Variants in URB1 observed in about 807,000 individuals in gnomAD.
URB1 encodes the protein nucleolar pre-ribosomal-associated protein 1.
A neutral mutation model predicts 242.3 loss-of-function variants in URB1; 197 were observed. The ratio of observed to expected loss-of-function variants is 0.81; its 90% CI spans 0.72 to 0.91. The LOEUF is 0.91. URB1 is among the 40% of genes least tolerant of loss of function. The pLI, the probability that URB1 is intolerant of heterozygous loss-of-function variation, is 0.00. For missense variants in URB1, 2,721 were observed against 2,860.5 expected, an observed-to-expected ratio of 0.95 and a Z score of 1.11; for synonymous variants, 1,153 against 1,201.8, an observed-to-expected ratio of 0.96 and a Z score of 0.84.
chr21:32,316,086 C>T (rs1185412067), intron 38 of URB1, among the ~76,000 whole-genome samples: 1 of 152,264 alleles, frequency 6.6e-6, no homozygotes, highest in Admixed American at 6.5e-5. Context: ...CATGCGCACA[C>T]ATGCAAGCAT....
rs1001304261 is a variant in URB1, at chr21:32,312,193, T to C, written c.*2725A>G. 52 of 1,492,184 alleles carry C rather than the reference T, an allele frequency of 3.5e-5. No homozygotes were observed. Among genetic ancestry groups the C allele is most frequent in the Non-Finnish European group, 4.4e-5 (50 of 1,123,668 alleles). 92.4% of individuals were successfully genotyped at this position (1,492,184 alleles called of 1,614,324 possible). ...TCGAGTGCAGAGGTCATCCCAGGTGTTGCTGAGTTTATTGAGCACACCTAG... is the reference window on the plus strand; with the variant it reads ...TCGAGTGCAGAGGTCATCCCAGGTGCTGCTGAGTTTATTGAGCACACCTAG... On this transcript the variant is annotated 3_prime_UTR_variant, in exon 39 of 39. Coordinates refer to ENST00000382751, the MANE Select transcript of URB1 (RefSeq NM_014825.3).
chr21:32,377,858 T>C (rs959858230), intron 5 of URB1, among the ~76,000 whole-genome samples: 2 of 152,120 alleles, frequency 1.3e-5, no homozygotes, highest in Non-Finnish European at 2.9e-5. Context: ...CCAGGGAATC[T>C]TACCGAGCAA....
intron 15 of URB1, 25 bp downstream of exon 15, chr21:32,357,512 T>G (rs1374707780): frequency 4.0e-6 from 6 of 1,487,188 alleles, no homozygotes; most frequent in Non-Finnish European, 4.5e-6. Context: ...CTTTTCAGAG[T>G]TAGAAACTGG....
chr21:32,340,117 T>C (rs1440768973), intron 25 of URB1, among the ~76,000 whole-genome samples: 2 of 152,232 alleles, frequency 1.3e-5, no homozygotes, highest in Admixed American at 1.3e-4. Flanking sequence ...AACCTATAGT[T>C]GTCATTAACC....
chr21:32,337,396 A>C lies in URB1; in HGVS notation c.4621+8T>G, dbSNP rs1245891914. On this transcript the variant is annotated splice_region_variant and intron_variant, in intron 27 of 38. Transcript: ENST00000382751. ...CCTGCTCACACTACCCAGCCCTCAC[A>C]CCCTCACCTAGGACGCTGAGAGTGG... 6.5e-7 allele frequency: 1 copy of C among 1,547,616 alleles called. No homozygotes were observed. Among genetic ancestry groups the C allele is most frequent in the East Asian group, 2.4e-5 (1 of 40,858 alleles).
At chr21:32,375,065 A>T (rs934634520) in intron 6 of URB1, among the ~76,000 whole-genome samples, 1 of 152,226 alleles carries the variant, frequency 6.6e-6, no homozygotes, top group African/African-American at 2.4e-5. Flanking sequence ...ATTTTGCTAG[A>T]TATGTGAATG....
Position 32,313,760 on chromosome 21 carries a change from G to C in URB1, c.*1158C>G, listed in dbSNP as rs887074521. The C allele has an allele frequency of 2.6e-5, 4 of 152,222 alleles. No homozygotes were observed. Among genetic ancestry groups the C allele is most frequent in the African/African-American group, 9.7e-5 (4 of 41,432 alleles). 9.4% of individuals were successfully genotyped at this position (152,222 alleles called of 1,614,324 possible). A position where few individuals can be genotyped will look rare whatever the true frequency, so the allele number is the denominator to read the frequency against. On this transcript the variant is annotated 3_prime_UTR_variant, in exon 39 of 39. Coordinates refer to ENST00000382751, the MANE Select transcript of URB1 (RefSeq NM_014825.3). The stretch of plus-strand genomic sequence containing the variant: ...CACAGAGCAGATCCCAAGAGCCCCA[G>C]GCATGCAGGAGAGTTTTAAAGGAAC...
At chr21:32,357,168 T>C (rs2033229949) in intron 15 of URB1, among the ~76,000 whole-genome samples, 2 of 152,104 alleles carry the variant, frequency 1.3e-5, no homozygotes, top group African/African-American at 2.4e-5. Context: ...TGATGACCCA[T>C]GTGCTGTGGG....
intron 26 of URB1, among the ~76,000 whole-genome samples, chr21:32,338,092 A>G (rs1412820442): frequency 6.6e-6 from 1 of 152,142 alleles, no homozygotes; most frequent in African/African-American, 2.4e-5. Flanking sequence ...ATAGCAGTTT[A>G]TTACAGTCTG....
rs2032698955 is a variant in URB1, at chr21:32,317,001, C to T, written c.6099G>A (p.Lys2033=). The change falls in exon 38 of 39, where the codon AAG becomes AAA. Residue 2033 remains lysine (K), a synonymous_variant. Transcript: ENST00000382751. The stretch of plus-strand genomic sequence containing the variant: ...TCTCCTCTGCCTCCCCAGGCCTCCT[C>T]TTTCGGCCCCGTGGGCCTTTGGCTC... ...PARAKGPRGR[K]RRPGEAEEMA... is the part of the protein sequence containing the mutation. 6.4e-7 allele frequency: 1 copy of T among 1,551,594 alleles called. No individual in the cohort carries two copies. The highest frequency in any genetic ancestry group is 1.7e-4 in the Middle Eastern group (1 of 5,958).
At position 32,373,023 on chromosome 21, in the gene URB1, T is replaced by C. The variant is rs189322594; in HGVS notation, c.877-392A>G. The stretch of plus-strand genomic sequence containing the variant: ...AAAAGGAGGTGAAATATTAGGCTCT[T>C]GAGAGGTGAATTATTATAACGTTAA... On this transcript the variant is annotated intron_variant, in intron 7 of 38. Transcript: ENST00000382751. 1.1e-4 allele frequency among the ~76,000 whole-genome samples: 17 copies of C among 152,248 alleles called. No individual in the cohort carries two copies. In the East Asian group the frequency reaches 3.3e-3, roughly 29 times the overall value.
At chr21:32,316,032 C>T (rs544731553) in intron 38 of URB1, among the ~76,000 whole-genome samples, 4 of 152,372 alleles carry the variant, frequency 2.6e-5, no homozygotes, top group East Asian at 3.9e-4. Flanking sequence ...CGCATTTATA[C>T]GCATGTGAAG....
In URB1 at chr21:32,383,536, C is replaced by G; in HGVS notation, c.453G>C (p.Leu151=). 1 of 1,551,570 alleles carries G rather than the reference C, an allele frequency of 6.4e-7. No individual in the cohort carries two copies. Among genetic ancestry groups the G allele is most frequent in the Non-Finnish European group, 8.7e-7 (1 of 1,146,950 alleles). ...GGGTCACCATGGCGGTCATCAGGCT[C>G]AGGCAGGCGCGAGCCAACCTGCACA... ...ASGYRLARAC[L]SLMTAMVTQG... Residue 151 remains leucine (L), a synonymous_variant, in exon 4 of 39, where the codon CTG becomes CTC. Coordinates refer to ENST00000382751, the MANE Select transcript of URB1 (RefSeq NM_014825.3).
At chr21:32,339,934 C>T (rs1247612699) in intron 25 of URB1, among the ~76,000 whole-genome samples, 1 of 152,362 alleles carries the variant, frequency 6.6e-6, no homozygotes, top group Admixed American at 6.5e-5. Flanking sequence ...CCTCCTTCCT[C>T]ACTCTCCTCT....
At chr21:32,381,119 G>A (rs1307148534) in intron 4 of URB1, among the ~76,000 whole-genome samples, 1 of 152,186 alleles carries the variant, frequency 6.6e-6, no homozygotes, top group African/African-American at 2.4e-5. Flanking sequence ...GCCCCCTGGG[G>A]CTCCATCCTC....
chr21:32,314,885 G>A lies in URB1; in HGVS notation c.*33C>T. On this transcript the variant is annotated 3_prime_UTR_variant, in exon 39 of 39. Transcript: ENST00000382751. ...AGCTGGTGCTGTGCTCGAGGCTCTG[G>A]TCATCAGGGTGCAAGGTGCTGGCCG... 6.5e-7 allele frequency: 1 copy of A among 1,539,826 alleles called. No homozygotes were observed. The highest frequency in any genetic ancestry group is 8.8e-7 in the Non-Finnish European group (1 of 1,140,514).
intron 8 of URB1, among the ~76,000 whole-genome samples, chr21:32,371,789 G>C (rs1423988138): frequency 2.6e-5 from 4 of 151,550 alleles, no homozygotes; most frequent in Non-Finnish European, 5.9e-5. Flanking sequence ...AAAGCAGATA[G>C]GATGAACAGT....
At chr21:32,353,650 C>T (rs972490976) in intron 18 of URB1, among the ~76,000 whole-genome samples, 3 of 152,092 alleles carry the variant, frequency 2.0e-5, no homozygotes, top group African/African-American at 4.8e-5. Flanking sequence ...TAAATGTTGA[C>T]GAAAAAACAT....
intron 26 of URB1, 109 bp downstream of exon 26, chr21:32,338,598 C>T (rs1341585922): frequency 2.4e-6 from 3 of 1,248,076 alleles, no homozygotes; most frequent in African/African-American, 1.5e-5. Context: ...CTTGGCAATG[C>T]TTCCTTAGCT....
Sources: gnomAD v4.1 joint callset for allele counts (sites outside exome capture counted in the v4.1 genomes callset) on GRCh38, gnomAD v4.1.1 for gene constraint, MANE v1.5 for transcripts, NCBI Gene and HGNC (gene_info 2026-07-23, HGNC 2026-07-21) for gene names.